Variants in LPGAT1 observed in about 807,000 individuals in gnomAD.
LPGAT1 encodes the protein lysophosphatidylglycerol acyltransferase 1.
LPGAT1 carries 11 observed loss-of-function variants against 47.5 expected under a neutral mutation model. The observed-to-expected ratio is 0.23, with a 90% CI of 0.15 to 0.38. LPGAT1 has a LOEUF of 0.38. LPGAT1 is among the 10% of genes least tolerant of loss of function. The probability of loss-of-function intolerance (pLI) is 1.00; values close to 1 mark genes in which losing one functional copy is unlikely to be tolerated. For missense variants in LPGAT1, 293 were observed against 439.0 expected (o/e 0.67, Z 2.97); for synonymous variants, 138 against 144.2 (o/e 0.96, Z 0.31).
At chr1:211,752,637 T>C (rs1433254629) in intron 6 of LPGAT1, among the ~76,000 whole-genome samples, 4 of 152,078 alleles carry the variant, frequency 2.6e-5, no homozygotes, top group Non-Finnish European at 5.9e-5. Context: ...ATGCTAAATA[T>C]ACCTTTCTGG....
rs999658368 is a variant in LPGAT1, at chr1:211,746,630, T to C, written c.*3269A>G. 3 of 152,224 alleles carry C rather than the reference T, an allele frequency of 2.0e-5. No homozygotes were observed. The highest frequency in any genetic ancestry group is 2.9e-5 in the Non-Finnish European group (2 of 68,032). 9.4% of individuals were successfully genotyped at this position (152,224 alleles called of 1,614,324 possible). The stretch of plus-strand genomic sequence containing the variant: ...AATCAATCTAGTAATCCTTCCTTTA[T>C]AGTGGAAAGTTAAGGATTGGTTGTA... On this transcript the variant is annotated 3_prime_UTR_variant, in exon 8 of 8. Transcript: ENST00000366997.
chr1:211,830,335 G>C lies in LPGAT1; in HGVS notation c.-28+238C>G, dbSNP rs1403379236. ...CCCTACTCCCCTCGCGGCTGCCTGCGGACAGAGGGACGGCGGGGACTCAGA... is the reference window on the plus strand; with the variant it reads ...CCCTACTCCCCTCGCGGCTGCCTGCCGACAGAGGGACGGCGGGGACTCAGA... On this transcript the variant is annotated intron_variant, in intron 1 of 7. Transcript: ENST00000366997. This position sits in a 1 kb window ranked among gnomAD's most constrained non-coding sequence, Gnocchi z 5.9. 8 of 1,132,308 alleles carry C rather than the reference G, an allele frequency of 7.1e-6. No individual in the cohort carries two copies. The highest frequency in any genetic ancestry group is 6.5e-6 in the Non-Finnish European group (6 of 924,312). 70.1% of individuals were successfully genotyped at this position (1,132,308 alleles called of 1,614,324 possible). A position where few individuals can be genotyped will look rare whatever the true frequency, so the allele number is the denominator to read the frequency against.
intron 2 of LPGAT1, among the ~76,000 whole-genome samples, chr1:211,804,541 T>G (rs545682267): frequency 2.0e-4 from 30 of 152,316 alleles, no homozygotes; most frequent in Non-Finnish European, 3.2e-4. Flanking sequence ...CCAGTTATTT[T>G]TCTCTGTGTA....
At chr1:211,826,666 G>GATATATATATATATATATAT (rs10565966) in intron 2 of LPGAT1, among the ~76,000 whole-genome samples, 1 of 148,718 alleles carries the variant, frequency 6.7e-6, no homozygotes, top group African/African-American at 2.5e-5. Context: ...TTTGGAAAAA[G>GATATATATATATATATATAT]ATATATATAT....
intron 2 of LPGAT1, among the ~76,000 whole-genome samples, chr1:211,809,865 C>T (rs1015664396): frequency 3.3e-5 from 5 of 151,898 alleles, no homozygotes; most frequent in Non-Finnish European, 5.9e-5. Flanking sequence ...TAATACAATT[C>T]CTAAAATGAG....
At chr1:211,767,694 AAAG>A (rs1014039599) in intron 6 of LPGAT1, among the ~76,000 whole-genome samples, 4 of 152,342 alleles carry the variant, frequency 2.6e-5, no homozygotes, top group East Asian at 1.9e-4. Flanking sequence ...GAAAAGCAGA[AAAG>A]AAGAAGAAAA....
In LPGAT1 at chr1:211,747,007, G is replaced by A. The variant is rs988692343; in HGVS notation, c.*2892C>T. On this transcript the variant is annotated 3_prime_UTR_variant, in exon 8 of 8. Coordinates refer to ENST00000366997, the MANE Select transcript of LPGAT1 (RefSeq NM_014873.3). ...TAGGCAGTCTAGCCAAGACCAAGAA[G>A]AGCTGAGCTTCTACAAGCTATTGAT... 6.6e-6 allele frequency: 1 copy of A among 152,190 alleles called. No homozygotes were observed. The highest frequency in any genetic ancestry group is 1.5e-5 in the Non-Finnish European group (1 of 68,030). 9.4% of individuals were successfully genotyped at this position (152,190 alleles called of 1,614,324 possible).
At chr1:211,757,475 G>A (rs1466017678) in intron 6 of LPGAT1, among the ~76,000 whole-genome samples, 2 of 152,154 alleles carry the variant, frequency 1.3e-5, no homozygotes, top group Admixed American at 6.5e-5. Flanking sequence ...TCATACAAAT[G>A]CTAGTATTGG....
intron 2 of LPGAT1, among the ~76,000 whole-genome samples, chr1:211,793,636 T>C (rs1009292093): frequency 1.3e-5 from 2 of 152,268 alleles, no homozygotes; most frequent in South Asian, 2.1e-4. Context: ...TTTCACCATA[T>C]TGGCCAGGCT....
intron 2 of LPGAT1, among the ~76,000 whole-genome samples, chr1:211,810,740 T>C (rs554998587): frequency 3.5e-4 from 54 of 152,184 alleles, no homozygotes; most frequent in African/African-American, 1.2e-3. Context: ...AAAGAAGTCA[T>C]TGTGAGCTGA....
At chr1:211,753,290 C>A (rs1378862143) in intron 6 of LPGAT1, among the ~76,000 whole-genome samples, 1 of 152,160 alleles carries the variant, frequency 6.6e-6, no homozygotes, top group Non-Finnish European at 1.5e-5. Flanking sequence ...TGGAGGTCTG[C>A]CAATGTCTTT....
chr1:211,785,081 G>A (rs918537724), intron 4 of LPGAT1, among the ~76,000 whole-genome samples: 1 of 152,092 alleles, frequency 6.6e-6, no homozygotes, highest in African/African-American at 2.4e-5. Context: ...GGGATTACAG[G>A]CGTGAGCCAC....
intron 6 of LPGAT1, among the ~76,000 whole-genome samples, chr1:211,754,345 C>T (rs1275563581): frequency 1.3e-5 from 2 of 152,180 alleles, no homozygotes; most frequent in Non-Finnish European, 2.9e-5. Context: ...ATAAGGTTGG[C>T]TCCTGGCTTT....
At chr1:211,802,606 C>T (rs1314134720) in intron 2 of LPGAT1, among the ~76,000 whole-genome samples, 1 of 151,936 alleles carries the variant, frequency 6.6e-6, no homozygotes, top group Non-Finnish European at 1.5e-5. Context: ...AGATAATCTT[C>T]CAAACACGAG....
At chr1:211,823,428 C>T (rs564671754) in intron 2 of LPGAT1, among the ~76,000 whole-genome samples, 4 of 152,114 alleles carry the variant, frequency 2.6e-5, no homozygotes, top group African/African-American at 9.6e-5. Flanking sequence ...TCCCTAAGTC[C>T]CCTATTCCCT....
intron 6 of LPGAT1, among the ~76,000 whole-genome samples, chr1:211,776,818 G>A (rs185686485): frequency 3.2e-4 from 48 of 150,962 alleles, no homozygotes; most frequent in African/African-American, 1.1e-3. Context: ...AAGCCAACAC[G>A]AAACAAAACT....
chr1:211,787,064 TA>T (rs778949316), intron 4 of LPGAT1, among the ~76,000 whole-genome samples: 28 of 152,356 alleles, frequency 1.8e-4, no homozygotes, highest in South Asian at 4.1e-4. Flanking sequence ...GAATGTTTAC[TA>T]AACTAAAAAT....
intron 2 of LPGAT1, among the ~76,000 whole-genome samples, chr1:211,813,978 T>C (rs906171543): frequency 2.0e-5 from 3 of 152,274 alleles, no homozygotes; most frequent in African/African-American, 7.2e-5. Flanking sequence ...TTGTCAAGTA[T>C]GAACATTCTT....
chr1:211,784,490 CA>C (rs373021672), intron 4 of LPGAT1, among the ~76,000 whole-genome samples: 54,408 of 112,328 alleles, frequency 0.48, 11,068 homozygotes, highest in Non-Finnish European at 0.55. Context: ...GACCCTGTCT[CA>C]AAAAAAAAAA....
Sources: allele counts gnomAD v4.1 joint callset (sites outside exome capture counted in the v4.1 genomes callset), GRCh38; gene constraint gnomAD v4.1.1; non-coding constraint Gnocchi (gnomAD v3.1); transcripts MANE v1.5; gene names NCBI Gene and HGNC (gene_info 2026-07-23, HGNC 2026-07-21).